The following GPHN variants were observed in gnomAD, a reference collection of about 807,000 sequenced individuals.
GPHN encodes gephyrin.
GPHN carries 17 observed loss-of-function variants against 95.5 expected under a neutral mutation model. The ratio of observed to expected loss-of-function variants is 0.18; its 90% CI spans 0.12 to 0.27. GPHN has a LOEUF of 0.27. Ranked by LOEUF, GPHN falls within the 10% of genes least tolerant of loss-of-function variation. The pLI, the probability that GPHN is intolerant of heterozygous loss-of-function variation, is 1.00. For missense variants in GPHN, 660 were observed against 978.1 expected (o/e 0.67, Z 4.34); for synonymous variants, 320 against 322.5 (o/e 0.99, Z 0.08).
At chr14:66,985,334 G>A (rs2070945700) in intron 9 of GPHN, among the ~76,000 whole-genome samples, 1 of 152,148 alleles carries the variant, frequency 6.6e-6, no homozygotes, top group South Asian at 2.1e-4. Context: ...AAAACACTAA[G>A]AGAGAAAAGT....
chr14:66,947,505 C>T (rs891544972), intron 8 of GPHN, among the ~76,000 whole-genome samples: 3 of 152,180 alleles, frequency 2.0e-5, no homozygotes, highest in Admixed American at 6.5e-5. Flanking sequence ...GCACCTAGCA[C>T]AGGTTGGCAC....
the GPHN span, chr14:67,336,718 T>C: frequency 4.4e-6 from 2 of 456,010 alleles, no homozygotes; most frequent in South Asian, 3.1e-5. Context: ...GTGGAGATGG[T>C]AGAATTTACA....
chr14:66,981,336 T>C (rs2070659173), intron 9 of GPHN, among the ~76,000 whole-genome samples: 1 of 152,320 alleles, frequency 6.6e-6, no homozygotes, highest in African/African-American at 2.4e-5. Flanking sequence ...AAATGTTCTA[T>C]GATGAGGCAC....
the GPHN span, among the ~76,000 whole-genome samples, chr14:67,313,557 G>A: frequency 6.6e-5 from 10 of 152,262 alleles, no homozygotes; most frequent in African/African-American, 2.4e-4. Context: ...AATAAAGAAA[G>A]GAGAGCAGAA....
chr14:66,595,070 G>A (rs1436636041), intron 1 of GPHN, among the ~76,000 whole-genome samples: 1 of 152,114 alleles, frequency 6.6e-6, no homozygotes, highest in Non-Finnish European at 1.5e-5. Context: ...CTGATCATCA[G>A]GAAAATGCAA....
intron 1 of GPHN, among the ~76,000 whole-genome samples, chr14:66,544,093 C>T (rs1456352009): frequency 2.0e-5 from 3 of 152,144 alleles, no homozygotes; most frequent in African/African-American, 7.2e-5. Context: ...CTTTCCACTT[C>T]TATTCTTTTC....
At chr14:67,668,804 T>C in the GPHN span, among the ~76,000 whole-genome samples, 7 of 152,344 alleles carry the variant, frequency 4.6e-5, no homozygotes, top group Admixed American at 3.9e-4. Flanking sequence ...CCTGAGAATT[T>C]GCATTTCTAA....
chr14:66,732,668 T>C (rs1374568681), intron 2 of GPHN, among the ~76,000 whole-genome samples: 1 of 147,332 alleles, frequency 6.8e-6, no homozygotes, highest in Non-Finnish European at 1.5e-5. Context: ...AGGCACGCAC[T>C]ACCACACCTG....
the GPHN span, among the ~76,000 whole-genome samples, chr14:67,623,980 A>G: frequency 1.3e-5 from 2 of 152,116 alleles, no homozygotes; most frequent in Non-Finnish European, 2.9e-5. Context: ...AGCTGGGACT[A>G]CAGACACATG....
chr14:67,067,007 G>A (rs980026124), intron 11 of GPHN, among the ~76,000 whole-genome samples: 4 of 152,148 alleles, frequency 2.6e-5, no homozygotes, highest in African/African-American at 7.2e-5. Flanking sequence ...GAGGAGAAAA[G>A]GCGCTCTGGT....
At chr14:67,417,815 C>T in the GPHN span, among the ~76,000 whole-genome samples, 5 of 152,252 alleles carry the variant, frequency 3.3e-5, no homozygotes, top group Admixed American at 2.6e-4. Context: ...GCAATCACAG[C>T]TCACTGCAGC....
intron 11 of GPHN, among the ~76,000 whole-genome samples, chr14:67,076,271 TGTACA>T: frequency 2.0e-5 from 3 of 152,132 alleles, no homozygotes; most frequent in African/African-American, 7.2e-5. Context: ...AATTAAGGTA[TGTACA>T]TTGTTATTTT....
At chr14:66,981,005 C>A (rs6573741) in intron 9 of GPHN, among the ~76,000 whole-genome samples, 1 of 152,008 alleles carries the variant, frequency 6.6e-6, no homozygotes, top group Non-Finnish European at 1.5e-5. Context: ...GCCGAGATTG[C>A]GCCATTACAT....
At chr14:66,970,977 C>CAATT (rs1271364919) in intron 9 of GPHN, among the ~76,000 whole-genome samples, 1 of 152,158 alleles carries the variant, frequency 6.6e-6, no homozygotes, top group East Asian at 1.9e-4. Flanking sequence ...ATGCTTTTAA[C>CAATT]AATTATTAAG....
the GPHN span, among the ~76,000 whole-genome samples, chr14:67,193,405 A>G: frequency 2.8e-5 from 4 of 141,200 alleles, no homozygotes; most frequent in African/African-American, 1.0e-4. Flanking sequence ...ATCTAGATAT[A>G]TATCTATATA....
At chr14:66,583,161 T>G (rs1050961058) in intron 1 of GPHN, among the ~76,000 whole-genome samples, 1 of 152,106 alleles carries the variant, frequency 6.6e-6, no homozygotes, top group African/African-American at 2.4e-5. Context: ...TTTCATGTGT[T>G]TTTTGGCTGC....
At chr14:67,655,507 A>G in the GPHN span, among the ~76,000 whole-genome samples, 1 of 151,862 alleles carries the variant, frequency 6.6e-6, no homozygotes, top group South Asian at 2.1e-4. Flanking sequence ...GATAATCCTT[A>G]GACATTTTTT....
chr14:67,692,991 C>T, the GPHN span: 12 of 1,614,108 alleles, frequency 7.4e-6, no homozygotes, highest in Non-Finnish European at 8.5e-6. Flanking sequence ...GCTCCTGTGA[C>T]CACAACTACT....
intron 2 of GPHN, among the ~76,000 whole-genome samples, chr14:66,718,343 G>T (rs1024998491): frequency 6.6e-6 from 1 of 152,080 alleles, no homozygotes; most frequent in African/African-American, 2.4e-5. Context: ...AAGGTGGCAC[G>T]TCCGGAGTTG....
Sources: allele counts gnomAD v4.1 joint callset (sites outside exome capture counted in the v4.1 genomes callset), GRCh38; gene constraint gnomAD v4.1.1; transcripts MANE v1.5; gene names NCBI Gene and HGNC (gene_info 2026-07-23, HGNC 2026-07-21).